The following OTOF variants were observed in gnomAD, a reference collection of about 807,000 sequenced individuals.
OTOF encodes fer-1-like family member 2.
A neutral mutation model predicts 236.8 loss-of-function variants in OTOF; 218 were observed. That is an observed-to-expected ratio of 0.92 (90% confidence interval 0.82 to 1.03). The LOEUF (loss-of-function observed/expected upper bound fraction) is 1.03. OTOF is among the 50% of genes least tolerant of loss of function. OTOF has a pLI of 0.00. For synonymous variants in OTOF, 1,041 were observed against 1,072.5 expected, an observed-to-expected ratio of 0.97 and a Z score of 0.57; for missense variants, 2,590 against 2,694.4, an observed-to-expected ratio of 0.96 and a Z score of 0.86.
At chr2:26,481,511 C>T (rs1364723978) in intron 14 of OTOF, among the ~76,000 whole-genome samples, 1 of 152,196 alleles carries the variant, frequency 6.6e-6, no homozygotes, top group Non-Finnish European at 1.5e-5. Flanking sequence ...TTTGTCAGGC[C>T]TCTGACAGGG....
At chr2:26,529,888 G>C (rs1199020329) in intron 2 of OTOF, among the ~76,000 whole-genome samples, 1 of 65,208 alleles carries the variant, frequency 1.5e-5, no homozygotes, top group Non-Finnish European at 5.9e-5. Flanking sequence ...AGAGTCCCAG[G>C]AAGTGGAGGC....
chr2:26,460,762 C>G lies in OTOF; in HGVS notation c.5713-15G>C, dbSNP rs755286413. On this transcript the variant is annotated splice_polypyrimidine_tract_variant and intron_variant, in intron 44 of 46. Coordinates refer to ENST00000272371, the MANE Select transcript of OTOF (RefSeq NM_194248.3). The surrounding 1 kb of genome is among the most constrained non-coding windows in gnomAD (Gnocchi z 5.3). The stretch of plus-strand genomic sequence containing the variant: ...TCCACCTTGCCCTGCAGAGGACAGA[C>G]AGGTCCCAGCGTCCAGGCTGCGTGC... 1 of 1,613,800 alleles carries G rather than the reference C, an allele frequency of 6.2e-7. No homozygotes were observed. The highest frequency in any genetic ancestry group is 1.1e-5 in the South Asian group (1 of 91,064).
chr2:26,520,129 C>T (rs966582328), intron 3 of OTOF, among the ~76,000 whole-genome samples: 7 of 152,182 alleles, frequency 4.6e-5, no homozygotes, highest in Non-Finnish European at 7.3e-5. Flanking sequence ...CTCAGACAGA[C>T]GTTCTTACAT....
intron 1 of OTOF, among the ~76,000 whole-genome samples, chr2:26,540,400 G>C (rs532267584): frequency 9.2e-5 from 14 of 152,218 alleles, no homozygotes; most frequent in African/African-American, 3.1e-4. Flanking sequence ...CTGGGAGCCC[G>C]GGCTAGAGCG....
intron 1 of OTOF, among the ~76,000 whole-genome samples, chr2:26,556,323 A>T (rs766138916): frequency 6.6e-6 from 1 of 152,162 alleles, no homozygotes; most frequent in African/African-American, 2.4e-5. Context: ...TTCCCTCTGA[A>T]TTGTGGTCAG....
chr2:26,537,906 C>T (rs1455187419), intron 1 of OTOF, 132 bp from the exon 2 acceptor site: 1 of 727,636 alleles, frequency 1.4e-6, no homozygotes, highest in African/African-American at 1.7e-5. Context: ...TCGTGGCTTG[C>T]TCACCTCTCC....
chr2:26,540,828 T>A (rs1270925529), intron 1 of OTOF, among the ~76,000 whole-genome samples: 3 of 151,644 alleles, frequency 2.0e-5, no homozygotes, highest in Non-Finnish European at 1.5e-5. Context: ...CAAAGAGATG[T>A]GAAGTAAACA....
chr2:26,466,674 TGAG>T, intron 36 of OTOF, 37 bp downstream of exon 36: 2 of 1,612,330 alleles, frequency 1.2e-6, no homozygotes, highest in Non-Finnish European at 1.7e-6. Flanking sequence ...GATGGGAGGA[TGAG>T]GAGACTTGCA....
intron 2 of OTOF, among the ~76,000 whole-genome samples, chr2:26,530,895 G>A (rs556274579): frequency 7.9e-5 from 12 of 152,274 alleles, no homozygotes; most frequent in African/African-American, 1.7e-4. Context: ...GGAGGGTGAC[G>A]GGCCTCTTGG....
intron 6 of OTOF, among the ~76,000 whole-genome samples, chr2:26,503,319 G>T (rs368361702): frequency 2.0e-5 from 3 of 152,188 alleles, no homozygotes; most frequent in Non-Finnish European, 4.4e-5. Context: ...AGCCTCCCAG[G>T]CCCGGCCCTG....
At chr2:26,520,951 G>A (rs534595975) in intron 3 of OTOF, among the ~76,000 whole-genome samples, 1 of 152,302 alleles carries the variant, frequency 6.6e-6, no homozygotes, top group African/African-American at 2.4e-5. Flanking sequence ...TGGAAAATGT[G>A]TCACTGGTGG....
rs1296521784 is a variant in OTOF at position 26,489,603 on chromosome 2, G to C, written c.960+75C>G. 2.3e-6 allele frequency: 3 copies of C among 1,280,968 alleles called. No individual in the cohort carries two copies. In the Admixed American group the frequency reaches 5.1e-5, roughly 22 times the overall value. The allele number at this position is 1,280,968 out of a possible 1,614,324, so 79.4% of individuals were successfully genotyped here. A position where few individuals can be genotyped will look rare whatever the true frequency, so the allele number is the denominator to read the frequency against. ...TCTTTATCATGGGTCTAGACAGAGG[G>C]GGCCCCTCTCAAGTCTGCACAAAGG... On this transcript the variant is annotated intron_variant, in intron 10 of 46. Transcript: ENST00000272371.
Position 26,489,188 on chromosome 2 carries a change from ACTGGCCATGCGCAGGTACTCAC to A in OTOF, c.1045+1_1045+22del, listed in dbSNP as rs761917886. ...CCCTGAGCCATGCACACCTCGACTG[ACTGGCCATGCGCAGGTACTCAC>A]CTGGCTGCGAGTACACGGTTCCCAC... is the stretch of plus-strand genomic sequence containing the variant. On this transcript the variant is annotated splice_donor_variant and splice_donor_5th_base_variant and intron_variant, in intron 11 of 46. Coordinates refer to ENST00000272371, the MANE Select transcript of OTOF (RefSeq NM_194248.3). LOFTEE classifies it high-confidence loss of function. 1 of 1,572,224 alleles carries A rather than the reference ACTGGCCATGCGCAGGTACTCAC, an allele frequency of 6.4e-7. No individual in the cohort carries two copies. The highest frequency in any genetic ancestry group is 8.7e-7 in the Non-Finnish European group (1 of 1,147,402).
At chr2:26,492,606 G>A (rs1057112820) in intron 9 of OTOF, among the ~76,000 whole-genome samples, 3 of 152,178 alleles carry the variant, frequency 2.0e-5, no homozygotes, top group Non-Finnish European at 4.4e-5. Context: ...TGTCTGGTGT[G>A]CGGCAGATGC....
At chr2:26,466,626 T>C (rs1664738960) in intron 36 of OTOF, 88 bp downstream of exon 36, 2 of 1,507,932 alleles carry the variant, frequency 1.3e-6, no homozygotes, top group Non-Finnish European at 1.8e-6. Context: ...CGTAAACCAT[T>C]GCACCTGGCC....
At chr2:26,545,400 G>A (rs1181780032) in intron 1 of OTOF, among the ~76,000 whole-genome samples, 5 of 152,032 alleles carry the variant, frequency 3.3e-5, no homozygotes, top group Admixed American at 6.6e-5. Context: ...ATATATTCTG[G>A]CTACAAGTCC....
At chr2:26,543,706 A>G (rs1338176902) in intron 1 of OTOF, among the ~76,000 whole-genome samples, 1 of 152,176 alleles carries the variant, frequency 6.6e-6, no homozygotes, top group African/African-American at 2.4e-5. Flanking sequence ...TTTCTCCTTC[A>G]TTCTATTTTG....
At chr2:26,557,225 G>A (rs1207118171) in intron 1 of OTOF, among the ~76,000 whole-genome samples, 3 of 152,200 alleles carry the variant, frequency 2.0e-5, no homozygotes, top group Non-Finnish European at 4.4e-5. Flanking sequence ...CAACAGAGGT[G>A]CAGACACTGT....
At chr2:26,516,191 T>C (rs1558509618) in intron 5 of OTOF, among the ~76,000 whole-genome samples, 1 of 152,212 alleles carries the variant, frequency 6.6e-6, no homozygotes, top group Non-Finnish European at 1.5e-5. Context: ...GGCCTTGGCC[T>C]TGCAGCTCCA....
Sources: gnomAD v4.1 joint callset for allele counts (sites outside exome capture counted in the v4.1 genomes callset) on GRCh38, gnomAD v4.1.1 for gene constraint, Gnocchi (gnomAD v3.1) non-coding constraint, MANE v1.5 for transcripts, NCBI Gene and HGNC (gene_info 2026-07-23, HGNC 2026-07-21) for gene names.